ZNF384: variants seen among roughly 807,000 people sequenced by gnomAD.
ZNF384 encodes CAG repeat protein 1.
Under a neutral mutation model 65.0 loss-of-function variants are expected in ZNF384, and 20 were observed. The ratio of observed to expected loss-of-function variants is 0.31; its 90% CI spans 0.22 to 0.45. ZNF384 has a LOEUF of 0.45. Ranked by LOEUF, ZNF384 falls within the 20% of genes least tolerant of loss-of-function variation. ZNF384 has a pLI of 1.00. For missense variants in ZNF384, 549 were observed against 769.4 expected, an observed-to-expected ratio of 0.71 and a Z score of 3.39; for synonymous variants, 310 against 303.9, an observed-to-expected ratio of 1.02 and a Z score of -0.21.
Position 6,668,005 on chromosome 12 carries a change from T to C in ZNF384, c.1536A>G (p.Gln512=), listed in dbSNP as rs749096164. The part of the protein sequence containing the change: ...AAVAQAQAQA[Q]AQAQAQAQAQ... ...CTTGAGCCTGAGCCTGAGCCTGGGC[T>C]TGAGCTTGAGCCTGGGCCTGGGCCA... is the stretch of plus-strand genomic sequence containing the variant. Residue 512 remains glutamine, a synonymous_variant, in exon 12 of 12, where the codon CAA becomes CAG. Coordinates refer to ENST00000683879, the MANE Select transcript of ZNF384 (RefSeq NM_001385745.1). 6.2e-7 allele frequency: 1 copy of C among 1,613,198 alleles called. No homozygotes were observed. Among genetic ancestry groups the C allele is most frequent in the Non-Finnish European group, 8.5e-7 (1 of 1,179,624 alleles).
intron 7 of ZNF384, 77 bp downstream of exon 7, chr12:6,677,089 CA>C (rs1308843228): frequency 2.5e-5 from 10 of 401,856 alleles, no homozygotes; most frequent in Middle Eastern, 7.6e-4. Flanking sequence ...ATACTCCCAA[CA>C]AACGGGAGGC....
chr12:6,668,211 A>G (rs1217502685), intron 11 of ZNF384, 96 bp from the exon 12 acceptor site: 6 of 1,298,618 alleles, frequency 4.6e-6, no homozygotes, highest in Non-Finnish European at 6.4e-6. Context: ...CTGTAAGCAG[A>G]GTAAGCTTTA....
chr12:6,669,758 G>A (rs1028823386), intron 10 of ZNF384, among the ~76,000 whole-genome samples: 3 of 151,884 alleles, frequency 2.0e-5, no homozygotes, highest in Non-Finnish European at 2.9e-5. Flanking sequence ...CGCCTCCGCC[G>A]CCCAAAGTGC....
chr12:6,669,211 A>G (rs1217153908), intron 10 of ZNF384, 22 bp from the exon 11 acceptor site: 1 of 1,596,790 alleles, frequency 6.3e-7, no homozygotes, highest in Non-Finnish European at 8.6e-7. Flanking sequence ...GGGAGAAACC[A>G]GAATGAATAC....
At chr12:6,669,627 T>C (rs995852746) in intron 10 of ZNF384, among the ~76,000 whole-genome samples, 1 of 152,030 alleles carries the variant, frequency 6.6e-6, no homozygotes, top group South Asian at 2.1e-4. Context: ...AGCCTGCAAG[T>C]AGCTGGGACT....
intron 11 of ZNF384, among the ~76,000 whole-genome samples, chr12:6,668,570 ACATGCACCT>A (rs1291640191): frequency 2.0e-5 from 3 of 151,976 alleles, no homozygotes; most frequent in Non-Finnish European, 4.4e-5. Flanking sequence ...GGGCATGGCA[ACATGCACCT>A]GTAATCCCAC....
intron 11 of ZNF384, 125 bp from the exon 12 acceptor site, chr12:6,668,240 A>AAGACTG: frequency 1.0e-6 from 1 of 990,700 alleles, no homozygotes; most frequent in Non-Finnish European, 1.5e-6. Context: ...TTCTGGAGCC[A>AAGACTG]AGACTGAGCA....
At position 6,667,202 on chromosome 12, in the gene ZNF384, C is replaced by T. The variant is rs185988242; in HGVS notation, c.*512G>A. ...GCAGTCAATAGGAAGCAAAGTGAGA[C>T]GATGTAGGGGAAGAAATGGCTCTCA... On this transcript the variant is annotated 3_prime_UTR_variant, in exon 12 of 12. Coordinates refer to ENST00000683879, the MANE Select transcript of ZNF384 (RefSeq NM_001385745.1). 1.8e-4 allele frequency: 48 copies of T among 271,804 alleles called. No individual in the cohort carries two copies. The highest frequency in any genetic ancestry group is 1.2e-3 in the Middle Eastern group (1 of 868). The allele number at this position is 271,804 out of a possible 1,614,324, so 16.8% of individuals were successfully genotyped here.
Position 6,669,054 on chromosome 12 carries a change from T to C in ZNF384, c.1402A>G (p.Ile468Val), listed in dbSNP as rs764317442. The C allele has an allele frequency of 1.4e-5, 22 of 1,610,504 alleles. 1 individual carries two copies. In the South Asian group the frequency reaches 1.4e-4, roughly 10 times the overall value. ...VKHAKVYTCT[I>V]CSRAYTSETY... ...ACTGATGTGTATGCCCGACTGCAGA[T>C]AGTGCAGGTGTACACCTTGGCATGC... Residue 468 changes from isoleucine (I) to valine (V), a missense_variant, in exon 11 of 12, where the codon ATC (isoleucine) becomes GTC (valine). Ile to Val is a conservative substitution (Grantham distance 29). Transcript: ENST00000683879.
intron 10 of ZNF384, among the ~76,000 whole-genome samples, chr12:6,670,357 G>A (rs373272682): frequency 7.2e-5 from 11 of 151,870 alleles, no homozygotes; most frequent in Admixed American, 7.2e-4. Flanking sequence ...GAGACCGGGA[G>A]GCTGAGGCTG....
Position 6,678,796 on chromosome 12 carries a change from AC to A in ZNF384, c.305-87del. 7 of 1,524,106 alleles carry A rather than the reference AC, an allele frequency of 4.6e-6. No individual in the cohort carries two copies. Among genetic ancestry groups the A allele is most frequent in the Non-Finnish European group, 6.4e-6 (7 of 1,101,072 alleles). 94.4% of individuals were successfully genotyped at this position (1,524,106 alleles called of 1,614,324 possible). On this transcript the variant is annotated intron_variant, in intron 4 of 11. Coordinates refer to ENST00000683879, the MANE Select transcript of ZNF384 (RefSeq NM_001385745.1). The surrounding 1 kb of genome is among the most constrained non-coding windows in gnomAD (Gnocchi z 4.9). ...CTTTGTATCCCCCACAATGCCTAGCACATTGCTAGGCACACAGTAGGCACTT... is the reference window on the plus strand; with the variant it reads ...CTTTGTATCCCCCACAATGCCTAGCAATTGCTAGGCACACAGTAGGCACTT...
At chr12:6,668,933 G>T in intron 11 of ZNF384, 98 bp downstream of exon 11, 1 of 1,321,432 alleles carries the variant, frequency 7.6e-7, no homozygotes. Context: ...TAGGGAGGCA[G>T]GGTATTCACT....
chr12:6,678,567 G>T lies in ZNF384; in HGVS notation c.352+96C>A. The T allele has an allele frequency of 6.6e-7, 1 of 1,511,242 alleles. No individual in the cohort carries two copies. The highest frequency in any genetic ancestry group is 9.0e-7 in the Non-Finnish European group (1 of 1,110,972). 93.6% of individuals were successfully genotyped at this position (1,511,242 alleles called of 1,614,324 possible). A position where few individuals can be genotyped will look rare whatever the true frequency, so the allele number is the denominator to read the frequency against. ...CTAATTAACCCCTCACCCCCCCGCCGACCCAACCCAGAGTACACAGGAAAT... is the reference window on the plus strand; with the variant it reads ...CTAATTAACCCCTCACCCCCCCGCCTACCCAACCCAGAGTACACAGGAAAT... On this transcript the variant is annotated intron_variant, in intron 5 of 11. Transcript: ENST00000683879. This position sits in a 1 kb window ranked among gnomAD's most constrained non-coding sequence, Gnocchi z 4.9.
chr12:6,679,550 T>C (rs1306300493), intron 2 of ZNF384, 25 bp from the exon 3 acceptor site: 1 of 1,579,770 alleles, frequency 6.3e-7, no homozygotes, highest in Non-Finnish European at 8.7e-7. Flanking sequence ...AGAGAACATG[T>C]CACACTCAGG....
In ZNF384 at chr12:6,666,534, A is replaced by G. The variant is rs1036440140; in HGVS notation, c.*1180T>C. ...TCTAAAAACACCCCTTGGTTTGTAC[A>G]TAAGTTTTTTTCTTTTTTTCTTCAT... On this transcript the variant is annotated 3_prime_UTR_variant, in exon 12 of 12. Transcript: ENST00000683879. 7.4e-5 allele frequency: 12 copies of G among 162,206 alleles called. No individual in the cohort carries two copies. The highest frequency in any genetic ancestry group is 2.0e-4 in the South Asian group (1 of 4,918). The allele number at this position is 162,206 out of a possible 1,614,324, so 10.0% of individuals were successfully genotyped here. A position where few individuals can be genotyped will look rare whatever the true frequency, so the allele number is the denominator to read the frequency against.
chr12:6,678,466 A>T lies in ZNF384; in HGVS notation c.353-6T>A. 3 of 1,573,626 alleles carry T rather than the reference A, an allele frequency of 1.9e-6. No homozygotes were observed. The highest frequency in any genetic ancestry group is 2.6e-6 in the Non-Finnish European group (3 of 1,158,212). ...CGTGATTACCAAACCCGGACCTAGGATTGGGAGAAAAAGGAGATGGCGTCA... is the reference window on the plus strand; with the variant it reads ...CGTGATTACCAAACCCGGACCTAGGTTTGGGAGAAAAAGGAGATGGCGTCA... On this transcript the variant is annotated splice_region_variant and splice_polypyrimidine_tract_variant and intron_variant, in intron 5 of 11. Transcript: ENST00000683879. This position sits in a 1 kb window ranked among gnomAD's most constrained non-coding sequence, Gnocchi z 4.9.
Position 6,673,387 on chromosome 12 carries a change from G to A in ZNF384, c.833C>T (p.Ser278Phe). ...GGGCTTGGTCTCGGTGTGTGACTTG[G>A]AGTGGATCTGCATCTCCGACTTGGA... ...FYSKSEMQIHSKSHTETKPHK... is the reference protein window; with the variant it reads ...FYSKSEMQIHFKSHTETKPHK... Residue 278 changes from serine (S) to phenylalanine (F), a missense_variant, in exon 8 of 12, where the codon TCC (serine) becomes TTC (phenylalanine). This residue lies in a region of ZNF384 where 39 missense variants were observed against 85.8 expected (regional missense o/e 0.45). Coordinates refer to ENST00000683879, the MANE Select transcript of ZNF384 (RefSeq NM_001385745.1). The surrounding 1 kb of genome is among the most constrained non-coding windows in gnomAD (Gnocchi z 4.7). 1 of 1,614,054 alleles carries A rather than the reference G, an allele frequency of 6.2e-7. No individual in the cohort carries two copies. The highest frequency in any genetic ancestry group is 8.5e-7 in the Non-Finnish European group (1 of 1,180,006).
rs149252440 is a variant in ZNF384, at chr12:6,666,538, GTTTT to G, written c.*1172_*1175del. ...AAAACACCCCTTGGTTTGTACATAAGTTTTTTTCTTTTTTTCTTCATTTTTAAAT... is the reference window on the plus strand; with the variant it reads ...AAAACACCCCTTGGTTTGTACATAAGTTTCTTTTTTTCTTCATTTTTAAAT... On this transcript the variant is annotated 3_prime_UTR_variant, in exon 12 of 12. Coordinates refer to ENST00000683879, the MANE Select transcript of ZNF384 (RefSeq NM_001385745.1). The G allele has an allele frequency of 2.0e-3, 305 of 155,610 alleles. 1 individual carries two copies. Among genetic ancestry groups the G allele is most frequent in the African/African-American group, 6.8e-3 (272 of 39,908 alleles). 9.6% of individuals were successfully genotyped at this position (155,610 alleles called of 1,614,324 possible).
chr12:6,678,434 A>C lies in ZNF384; in HGVS notation c.379T>G (p.Ser127Ala). Residue 127 changes from serine (S) to alanine (A), a missense_variant, in exon 6 of 12, where the codon TCA becomes GCA. Around this residue, in one of 5 missense-constraint regions of ZNF384, gnomAD observed 277 missense variants for 337.2 expected, o/e 0.82. Transcript: ENST00000683879. This position sits in a 1 kb window ranked among gnomAD's most constrained non-coding sequence, Gnocchi z 4.9. ...GATGCTGTGGTCACAAGAGAGCCTG[A>C]GGGGGACGTGATTACCAAACCCGGA... The part of the protein sequence containing the change: ...RGPGLVITSP[S>A]GSLVTTASSA... 2 of 1,594,728 alleles carry C rather than the reference A, an allele frequency of 1.3e-6. No individual in the cohort carries two copies. Among genetic ancestry groups the C allele is most frequent in the East Asian group, 4.5e-5 (2 of 44,326 alleles).
Sources: allele counts gnomAD v4.1 joint callset (sites outside exome capture counted in the v4.1 genomes callset), GRCh38; gene constraint gnomAD v4.1.1; regional missense constraint gnomAD v4.1.1; non-coding constraint Gnocchi (gnomAD v3.1); transcripts MANE v1.5; gene names NCBI Gene and HGNC (gene_info 2026-07-23, HGNC 2026-07-21).